Variants in SEMA7A observed in about 807,000 individuals in gnomAD.
SEMA7A encodes the protein semaphorin-7A.
A neutral mutation model predicts 67.5 loss-of-function variants in SEMA7A; 21 were observed. The ratio of observed to expected loss-of-function variants is 0.31; its 90% CI spans 0.22 to 0.45. The LOEUF (loss-of-function observed/expected upper bound fraction) is 0.45, where lower values mean the gene tolerates loss of function less well. Among genes scored for constraint, SEMA7A ranks in the 20% least tolerant of loss-of-function variants. The pLI is 1.00. For missense variants in SEMA7A, 774 were observed against 908.6 expected (o/e 0.85, Z 1.90); for synonymous variants, 364 against 368.5 (o/e 0.99, Z 0.14).
Position 74,414,956 on chromosome 15 carries a change from C to T in SEMA7A, c.987-10G>A. On this transcript the variant is annotated splice_polypyrimidine_tract_variant and intron_variant, in intron 8 of 13. Coordinates refer to ENST00000261918, the MANE Select transcript of SEMA7A (RefSeq NM_003612.5). This position sits in a 1 kb window ranked among gnomAD's most constrained non-coding sequence, Gnocchi z 4.1. ...GACGGCTGAGTAGTTCCTGCAGTGA[C>T]ATGGAGACCAGCTCAATGGGGGGCC... 1 of 1,611,476 alleles carries T rather than the reference C, an allele frequency of 6.2e-7. No individual in the cohort carries two copies.
chr15:74,416,498 G>C, intron 7 of SEMA7A, 77 bp downstream of exon 7: 1 of 1,481,718 alleles, frequency 6.7e-7, no homozygotes, highest in Admixed American at 1.8e-5. Flanking sequence ...ACATGCACAC[G>C]GACACACAGA....
At chr15:74,432,773 A>C (rs937211176) in intron 1 of SEMA7A, among the ~76,000 whole-genome samples, 2 of 151,956 alleles carry the variant, frequency 1.3e-5, no homozygotes, top group Non-Finnish European at 2.9e-5. Context: ...GACACGCCAA[A>C]TTTGGGGACA....
chr15:74,410,654 G>C lies in SEMA7A; in HGVS notation c.1971C>G (p.Pro657=). 6.2e-7 allele frequency: 1 copy of C among 1,603,048 alleles called. No homozygotes were observed. The highest frequency in any genetic ancestry group is 8.5e-7 in the Non-Finnish European group (1 of 1,172,852). ...GGACCAGCAAGCCAAGAGTGAGTGTGGGCAGCACCCCCAGCCAGAGGGAGG... is the reference window on the plus strand; with the variant it reads ...GGACCAGCAAGCCAAGAGTGAGTGTCGGCAGCACCCCCAGCCAGAGGGAGG... ...LAASLWLGVL[P]TLTLGLLVH The change falls in exon 14 of 14, where the codon CCC becomes CCG. Residue 657 remains proline, a synonymous_variant. Transcript: ENST00000261918. This position sits in a 1 kb window ranked among gnomAD's most constrained non-coding sequence, Gnocchi z 7.5.
chr15:74,410,463 C>T lies in SEMA7A; in HGVS notation c.*161G>A. 1.8e-6 allele frequency: 2 copies of T among 1,111,202 alleles called. No individual in the cohort carries two copies. The highest frequency in any genetic ancestry group is 1.3e-6 in the Non-Finnish European group (1 of 794,102). The allele number at this position is 1,111,202 out of a possible 1,614,324, so 68.8% of individuals were successfully genotyped here. On this transcript the variant is annotated 3_prime_UTR_variant, in exon 14 of 14. Coordinates refer to ENST00000261918, the MANE Select transcript of SEMA7A (RefSeq NM_003612.5). The surrounding 1 kb of genome is among the most constrained non-coding windows in gnomAD (Gnocchi z 7.5). ...TGCGCCACCTGGGGCCCAGCAGCCG[C>T]CTGCGGCTGGACGTCTCCAGGCCTG...
At chr15:74,417,208 G>C in intron 6 of SEMA7A, 127 bp downstream of exon 6, 2 of 746,724 alleles carry the variant, frequency 2.7e-6, no homozygotes, top group South Asian at 1.6e-5. Flanking sequence ...CCTATACCAA[G>C]GTCCTGCTTT....
At chr15:74,416,824 T>G in intron 6 of SEMA7A, 110 bp from the exon 7 acceptor site, 1 of 1,250,828 alleles carries the variant, frequency 8.0e-7, no homozygotes, top group Non-Finnish European at 1.1e-6. Flanking sequence ...CCATGGCAAA[T>G]CAGATCTGGA....
chr15:74,410,385 T>C lies in SEMA7A; in HGVS notation c.*239A>G. 1 of 517,030 alleles carries C rather than the reference T, an allele frequency of 1.9e-6. No individual in the cohort carries two copies. Among genetic ancestry groups the C allele is most frequent in the Non-Finnish European group, 3.4e-6 (1 of 297,640 alleles). The allele number at this position is 517,030 out of a possible 1,614,324, so 32.0% of individuals were successfully genotyped here. A position where few individuals can be genotyped will look rare whatever the true frequency, so the allele number is the denominator to read the frequency against. ...TTCCAGAAGATAAAGTCTTGGGTCATCGATGCCCCAGCTTCACAGTCGGTG... is the reference window on the plus strand; with the variant it reads ...TTCCAGAAGATAAAGTCTTGGGTCACCGATGCCCCAGCTTCACAGTCGGTG... On this transcript the variant is annotated 3_prime_UTR_variant, in exon 14 of 14. Coordinates refer to ENST00000261918, the MANE Select transcript of SEMA7A (RefSeq NM_003612.5). The surrounding 1 kb of genome is among the most constrained non-coding windows in gnomAD (Gnocchi z 7.5).
chr15:74,413,088 C>T (rs1048650655), intron 10 of SEMA7A, among the ~76,000 whole-genome samples: 1 of 141,698 alleles, frequency 7.1e-6, no homozygotes, highest in Admixed American at 7.2e-5. Context: ...CAGATGATTG[C>T]CTGCCTAGGA....
At position 74,411,304 on chromosome 15, in the gene SEMA7A, G is replaced by A; in HGVS notation, c.1630C>T (p.Pro544Ser). The A allele has an allele frequency of 6.2e-7, 1 of 1,614,056 alleles. No homozygotes were observed. The highest frequency in any genetic ancestry group is 8.5e-7 in the Non-Finnish European group (1 of 1,179,964). Residue 544 changes from proline (P) to serine (S), a missense_variant, in exon 13 of 14, where the codon CCC (proline) becomes TCC (serine). Transcript: ENST00000261918. This position sits in a 1 kb window ranked among gnomAD's most constrained non-coding sequence, Gnocchi z 4.4. The part of the protein sequence containing the change: ...PAEPHKECPN[P>S]KPDKAPLQKV... ...GGGCCAGATCAGGTACCTGGTTTGG[G>A]GTTGGGACACTCCTTGTGTGGCTCG...
chr15:74,418,183 G>A lies in SEMA7A; in HGVS notation c.372+85C>T. On this transcript the variant is annotated intron_variant, in intron 3 of 13. Transcript: ENST00000261918. Reference sequence around the variant, plus strand: ...ATCAGTCTGGGACTCGTGGGGCAGGGCCATGCTTCCTTCCTTAGACCCTCA... The same window carrying A: ...ATCAGTCTGGGACTCGTGGGGCAGGACCATGCTTCCTTCCTTAGACCCTCA... 2.9e-6 allele frequency: 4 copies of A among 1,400,512 alleles called. No individual in the cohort carries two copies. In the Admixed American group the frequency reaches 6.8e-5, roughly 24 times the overall value. The allele number at this position is 1,400,512 out of a possible 1,614,324, so 86.8% of individuals were successfully genotyped here. A position where few individuals can be genotyped will look rare whatever the true frequency, so the allele number is the denominator to read the frequency against.
chr15:74,427,652 C>T (rs148692998), intron 1 of SEMA7A, among the ~76,000 whole-genome samples: 245 of 152,264 alleles, frequency 1.6e-3, no homozygotes, highest in African/African-American at 5.8e-3. Context: ...GCTGTCTATG[C>T]TGCACTCTGC....
At chr15:74,418,395 C>T in intron 2 of SEMA7A, 86 bp from the exon 3 acceptor site, 2 of 1,308,624 alleles carry the variant, frequency 1.5e-6, no homozygotes, top group South Asian at 2.5e-5. Context: ...GGATAAGCCC[C>T]AAAGGAAGCA....
At position 74,433,783 on chromosome 15, in the gene SEMA7A, C is replaced by A; in HGVS notation, c.136G>T (p.Gly46Cys). The change falls in exon 1 of 14, where the codon GGC (glycine) becomes TGC (cysteine). Residue 46 changes from glycine (G) to cysteine (C), a missense_variant. Gly to Cys is a radical substitution (Grantham distance 159). Transcript: ENST00000261918. ...ATGCGGGGTCCGCTCCTTAGGTGGC[C>A]CTGGGCGGAGGCGGCGGCCGCCCAG... ...LLWAAAASAQ[G>C]HLRSGPRIFA... 1 of 1,435,452 alleles carries A rather than the reference C, an allele frequency of 7.0e-7. No individual in the cohort carries two copies. Among genetic ancestry groups the A allele is most frequent in the Non-Finnish European group, 9.1e-7 (1 of 1,098,564 alleles). 88.9% of individuals were successfully genotyped at this position (1,435,452 alleles called of 1,614,324 possible).
rs772212867 is a variant in SEMA7A at position 74,415,953 on chromosome 15, G to A, written c.834C>T (p.Val278=). The stretch of plus-strand genomic sequence containing the variant: ...CTTTCAGAAAAGTGTTCCACTTGGA[G>A]ACTGACAGTGAACTTTCCCCACCCT... ...GDQGGESSLS[V]SKWNTFLKAM... Residue 278 remains valine, a synonymous_variant, in exon 8 of 14, where the codon GTC becomes GTT. Coordinates refer to ENST00000261918, the MANE Select transcript of SEMA7A (RefSeq NM_003612.5). 2 of 1,614,088 alleles carry A rather than the reference G, an allele frequency of 1.2e-6. No homozygotes were observed. The highest frequency in any genetic ancestry group is 1.3e-5 in the African/African-American group (1 of 75,030).
At chr15:74,421,174 G>A (rs1351458686) in intron 1 of SEMA7A, among the ~76,000 whole-genome samples, 2 of 152,190 alleles carry the variant, frequency 1.3e-5, no homozygotes, top group Non-Finnish European at 2.9e-5. Context: ...ACATGACTGG[G>A]TCCTGGAGAG....
In SEMA7A at chr15:74,433,899, C is replaced by T. The variant is rs1046490128; in HGVS notation, c.20G>A (p.Gly7Glu). The change falls in exon 1 of 14, where the codon GGA (glycine) becomes GAA (glutamate). Residue 7 changes from glycine (G) to glutamate (E), a missense_variant. Transcript: ENST00000261918. MTPPPPGRAAPSAPRAR... is the reference protein window; with the variant it reads MTPPPPERAAPSAPRAR... ...GCGCGGTGCGCTGGGGGCGGCACGT[C>T]CGGGCGGAGGAGGCGTCATCCCGTG... The T allele has an allele frequency of 4.8e-6, 6 of 1,260,344 alleles. No homozygotes were observed. Among genetic ancestry groups the T allele is most frequent in the African/African-American group, 1.6e-5 (1 of 64,218 alleles). 78.1% of individuals were successfully genotyped at this position (1,260,344 alleles called of 1,614,324 possible). A position where few individuals can be genotyped will look rare whatever the true frequency, so the allele number is the denominator to read the frequency against.
At chr15:74,418,585 G>C (rs1443720995) in intron 2 of SEMA7A, among the ~76,000 whole-genome samples, 4 of 152,182 alleles carry the variant, frequency 2.6e-5, no homozygotes, top group Non-Finnish European at 5.9e-5. Flanking sequence ...CAGCTGGCCA[G>C]GCCCATTAGC....
intron 1 of SEMA7A, among the ~76,000 whole-genome samples, chr15:74,430,093 C>T (rs1474054425): frequency 6.6e-6 from 1 of 152,148 alleles, no homozygotes; most frequent in East Asian, 1.9e-4. Context: ...ATCACCAGAT[C>T]CCCAAGCTCA....
chr15:74,413,499 G>A (rs947672722), intron 10 of SEMA7A, among the ~76,000 whole-genome samples: 2 of 152,192 alleles, frequency 1.3e-5, no homozygotes, highest in Non-Finnish European at 2.9e-5. Flanking sequence ...CCTAGCTCCT[G>A]CTCCCAGTTC....
Sources: allele counts gnomAD v4.1 joint callset (sites outside exome capture counted in the v4.1 genomes callset), GRCh38; gene constraint gnomAD v4.1.1; non-coding constraint Gnocchi (gnomAD v3.1); transcripts MANE v1.5; gene names NCBI Gene and HGNC (gene_info 2026-07-23, HGNC 2026-07-21).